Variants in RADIL observed in about 807,000 individuals in gnomAD.
The protein encoded by RADIL is ras-associating and dilute domain-containing protein.
Under a neutral mutation model 97.6 loss-of-function variants are expected in RADIL, and 99 were observed. The ratio of observed to expected loss-of-function variants is 1.01; its 90% CI spans 0.86 to 1.20. RADIL has a LOEUF of 1.20. RADIL is among the 50% of genes most tolerant of loss of function. RADIL has a pLI of 0.00. For missense variants in RADIL, 1,765 were observed against 1,498.9 expected (o/e 1.18, Z -2.93); for synonymous variants, 803 against 691.8 (o/e 1.16, Z -2.52).
chr7:4,814,496 G>A lies in RADIL; in HGVS notation c.2139+782C>T, dbSNP rs975082536. Among the ~76,000 whole-genome samples, 4 of 151,738 alleles carry A rather than the reference G, an allele frequency of 2.6e-5. No individual in the cohort carries two copies. Among genetic ancestry groups the A allele is most frequent in the Admixed American group, 6.6e-5 (1 of 15,208 alleles). ...TTTCCAGGCAGGAGAGGAAACCATC[G>A]GTCTATTTCCATTAATTACCTGTGA... On this transcript the variant is annotated intron_variant, in intron 9 of 14. Transcript: ENST00000399583. The surrounding 1 kb of genome is among the most constrained non-coding windows in gnomAD (Gnocchi z 4.5).
chr7:4,799,311 G>T lies in RADIL; in HGVS notation c.*67C>A. On this transcript the variant is annotated 3_prime_UTR_variant, in exon 15 of 15. Transcript: ENST00000399583. ...TCAGTTACAAAACAGGGACGAAGGC[G>T]GGAGGAAGCCCAGTGTCACCAGGTG... 6.6e-7 allele frequency: 1 copy of T among 1,509,154 alleles called. No homozygotes were observed. The highest frequency in any genetic ancestry group is 9.2e-7 in the Non-Finnish European group (1 of 1,089,586). 93.5% of individuals were successfully genotyped at this position (1,509,154 alleles called of 1,614,324 possible). A position where few individuals can be genotyped will look rare whatever the true frequency, so the allele number is the denominator to read the frequency against.
intron 5 of RADIL, 120 bp downstream of exon 5, chr7:4,832,021 A>T: frequency 9.6e-7 from 1 of 1,042,722 alleles, no homozygotes; most frequent in Non-Finnish European, 1.4e-6. Flanking sequence ...GGATGGAAGG[A>T]CAAAGCCCAG....
chr7:4,804,299 C>G (rs972338654), intron 10 of RADIL, among the ~76,000 whole-genome samples: 1 of 152,232 alleles, frequency 6.6e-6, no homozygotes, highest in Admixed American at 6.5e-5. Context: ...TGAATCAATG[C>G]GGAGGAAGGA....
At chr7:4,850,275 A>C (rs1783677774) in intron 2 of RADIL, among the ~76,000 whole-genome samples, 1 of 148,160 alleles carries the variant, frequency 6.7e-6, no homozygotes, top group Admixed American at 6.8e-5. Flanking sequence ...ATGTATATAC[A>C]TGTGTAAGAA....
chr7:4,836,223 G>A (rs547687936), intron 3 of RADIL, 135 bp downstream of exon 3: 34 of 1,358,202 alleles, frequency 2.5e-5, no homozygotes, highest in Admixed American at 1.9e-4. Flanking sequence ...CCACAGCCTC[G>A]GCACAGCCAG....
chr7:4,841,606 C>G (rs1783441408), intron 2 of RADIL, among the ~76,000 whole-genome samples: 1 of 152,190 alleles, frequency 6.6e-6, no homozygotes, highest in Non-Finnish European at 1.5e-5. Flanking sequence ...AGTGGAGAGG[C>G]AGAAAAGCAA....
In RADIL at chr7:4,880,569, C is replaced by T. The variant is rs1252914435; in HGVS notation, c.-64-2366G>A. Among the ~76,000 whole-genome samples the T allele has an allele frequency of 1.3e-5, 2 of 152,210 alleles. No individual in the cohort carries two copies. Among genetic ancestry groups the T allele is most frequent in the Non-Finnish European group, 2.9e-5 (2 of 68,044 alleles). On this transcript the variant is annotated intron_variant, in intron 1 of 14. Coordinates refer to ENST00000399583, the MANE Select transcript of RADIL (RefSeq NM_018059.5). The surrounding 1 kb of genome is among the most constrained non-coding windows in gnomAD (Gnocchi z 4.5). ...ACAACCCTGCTCCAAAGCACCTCTC[C>T]AGATGCCCCAGGCTTAGAAGCCTCC...
At position 4,798,910 on chromosome 7, in the gene RADIL, G is replaced by A. The variant is rs1781987359; in HGVS notation, c.*468C>T. On this transcript the variant is annotated 3_prime_UTR_variant, in exon 15 of 15. Transcript: ENST00000399583. ...GGCCCTGCTTCAGCTGGGAGGGGCT[G>A]TTGGAGCTGCTTCCTGCAGTGCCCT... The A allele has an allele frequency of 5.9e-6, 1 of 170,750 alleles. No homozygotes were observed. Among genetic ancestry groups the A allele is most frequent in the Admixed American group, 5.7e-5 (1 of 17,692 alleles). 10.6% of individuals were successfully genotyped at this position (170,750 alleles called of 1,614,324 possible). A position where few individuals can be genotyped will look rare whatever the true frequency, so the allele number is the denominator to read the frequency against.
rs56177809 is a variant in RADIL, at chr7:4,847,739, C to CAAAAAAAAAAAAAAAAA, written c.536-11151_536-11135dup. On this transcript the variant is annotated intron_variant, in intron 2 of 14. Coordinates refer to ENST00000399583, the MANE Select transcript of RADIL (RefSeq NM_018059.5). The stretch of plus-strand genomic sequence containing the variant: ...TATGCTACGTGAAAAAAGCTAGATG[C>CAAAAAAAAAAAAAAAAA]AAAAAAAAAAAAAAAAAAAAAAAAA... Among the ~76,000 whole-genome samples, 5 of 23,794 alleles carry CAAAAAAAAAAAAAAAAA rather than the reference C, an allele frequency of 2.1e-4. 1 individual carries two copies. Among genetic ancestry groups the CAAAAAAAAAAAAAAAAA allele is most frequent in the East Asian group, 1.7e-3 (1 of 592 alleles). 15.6% of individuals were successfully genotyped at this position (23,794 alleles called of 152,430 possible).
At chr7:4,841,378 G>A (rs1783435812) in intron 2 of RADIL, among the ~76,000 whole-genome samples, 1 of 152,210 alleles carries the variant, frequency 6.6e-6, no homozygotes, top group African/African-American at 2.4e-5. Flanking sequence ...CCAGGGAGGG[G>A]AGCCACTGCC....
intron 2 of RADIL, among the ~76,000 whole-genome samples, chr7:4,851,871 G>A (rs1188176238): frequency 2.0e-5 from 3 of 152,200 alleles, no homozygotes; most frequent in Non-Finnish European, 4.4e-5. Context: ...CCAAGTGTGG[G>A]TCTGGACAAC....
intron 5 of RADIL, among the ~76,000 whole-genome samples, chr7:4,827,524 GGTT>G (rs1783025852): frequency 6.6e-6 from 1 of 152,010 alleles, no homozygotes; most frequent in Non-Finnish European, 1.5e-5. Flanking sequence ...AGCCGGGCGT[GGTT>G]GCAGGCGCCT....
chr7:4,873,542 C>T lies in RADIL; in HGVS notation c.535+4063G>A, dbSNP rs1335498553. On this transcript the variant is annotated intron_variant, in intron 2 of 14. Transcript: ENST00000399583. The surrounding 1 kb of genome is among the most constrained non-coding windows in gnomAD (Gnocchi z 4.3). ...AATGCAGGAGCTGAAGGGGCCCTGG[C>T]GTGCGCTGGACCTCACTGGGCCTGC... 6.6e-6 allele frequency among the ~76,000 whole-genome samples: 1 copy of T among 152,224 alleles called. No individual in the cohort carries two copies. The highest frequency in any genetic ancestry group is 1.5e-5 in the Non-Finnish European group (1 of 68,040).
At chr7:4,850,831 G>A (rs1280133661) in intron 2 of RADIL, among the ~76,000 whole-genome samples, 1 of 152,158 alleles carries the variant, frequency 6.6e-6, no homozygotes, top group East Asian at 1.9e-4. Context: ...GCTCTCCCGT[G>A]CCCAGACTCC....
At position 4,821,858 on chromosome 7, in the gene RADIL, A is replaced by C. The variant is rs754566686; in HGVS notation, c.1615+536T>G. Among the ~76,000 whole-genome samples, 1 of 152,180 alleles carries C rather than the reference A, an allele frequency of 6.6e-6. No homozygotes were observed. Among genetic ancestry groups the C allele is most frequent in the African/African-American group, 2.4e-5 (1 of 41,440 alleles). ...GTGACAGAGCGAGACTCCGTCTCAA[A>C]AAAAGAAAAAGAAATCCCGAAATGT... On this transcript the variant is annotated intron_variant, in intron 6 of 14. Transcript: ENST00000399583. This position sits in a 1 kb window ranked among gnomAD's most constrained non-coding sequence, Gnocchi z 5.2.
intron 13 of RADIL, 90 bp from the exon 14 acceptor site, chr7:4,799,859 GC>G: frequency 7.0e-7 from 1 of 1,427,740 alleles, no homozygotes. Context: ...GCACCTACAG[GC>G]CCCCGCCTGG....
chr7:4,868,548 CGT>C (rs1353890519), intron 2 of RADIL, among the ~76,000 whole-genome samples: 7 of 152,230 alleles, frequency 4.6e-5, no homozygotes, highest in African/African-American at 1.4e-4. Flanking sequence ...CCTCCCCTAT[CGT>C]GTGTGTTAGC....
Position 4,813,846 on chromosome 7 carries a change from GC to G in RADIL, c.2139+1431del, listed in dbSNP as rs1192965843. Among the ~76,000 whole-genome samples, 1 of 152,156 alleles carries G rather than the reference GC, an allele frequency of 6.6e-6. No homozygotes were observed. The highest frequency in any genetic ancestry group is 1.5e-5 in the Non-Finnish European group (1 of 68,040). On this transcript the variant is annotated intron_variant, in intron 9 of 14. Transcript: ENST00000399583. The surrounding 1 kb of genome is among the most constrained non-coding windows in gnomAD (Gnocchi z 5.0). ...GTCTATCAACTGTTCTTCTGTTTTAGCCCCATCTTGACATCGGTGTCCAGAG... is the reference window on the plus strand; with the variant it reads ...GTCTATCAACTGTTCTTCTGTTTTAGCCCATCTTGACATCGGTGTCCAGAG...
chr7:4,851,292 G>A (rs1311373883), intron 2 of RADIL, among the ~76,000 whole-genome samples: 10 of 152,190 alleles, frequency 6.6e-5, no homozygotes, highest in Non-Finnish European at 2.9e-5. Flanking sequence ...AAATGTGAAG[G>A]TGCTTTGGTA....
Sources: allele counts gnomAD v4.1 joint callset (sites outside exome capture counted in the v4.1 genomes callset), GRCh38; gene constraint gnomAD v4.1.1; non-coding constraint Gnocchi (gnomAD v3.1); transcripts MANE v1.5; gene names NCBI Gene and HGNC (gene_info 2026-07-23, HGNC 2026-07-21).